The following FAM163A variants were observed in gnomAD, a reference collection of about 807,000 sequenced individuals.
The protein encoded by FAM163A is family with sequence similarity 163 member A, also known as protein FAM163A.
In FAM163A, 7 loss-of-function variants were observed where a neutral mutation model predicts 12.0. That is an observed-to-expected ratio of 0.58 (90% CI 0.33 to 1.10). FAM163A has a LOEUF of 1.10. Among genes scored for constraint, FAM163A ranks in the 50% least tolerant of loss-of-function variants. FAM163A has a pLI of 0.03. For missense variants in FAM163A, 202 were observed against 218.6 expected (o/e 0.92, Z 0.48); for synonymous variants, 101 against 91.0 (o/e 1.11, Z -0.62).
At chr1:179,784,655 G>A (rs561803082) in intron 1 of FAM163A, among the ~76,000 whole-genome samples, 23 of 152,222 alleles carry the variant, frequency 1.5e-4, no homozygotes, top group African/African-American at 4.8e-4. Context: ...CAAAACCTGC[G>A]CACATGAAGC....
chr1:179,758,702 G>C (rs932333631), intron 1 of FAM163A, among the ~76,000 whole-genome samples: 5 of 152,198 alleles, frequency 3.3e-5, no homozygotes, highest in African/African-American at 1.2e-4. Context: ...CACTGGTAGG[G>C]CCATGCAGAT....
intron 1 of FAM163A, among the ~76,000 whole-genome samples, chr1:179,798,315 G>A (rs987486788): frequency 2.0e-5 from 3 of 152,216 alleles, no homozygotes; most frequent in Admixed American, 1.3e-4. Flanking sequence ...GTGGCTGAGG[G>A]CATTGTTTTA....
At chr1:179,796,905 T>C (rs1391978341) in intron 1 of FAM163A, among the ~76,000 whole-genome samples, 2 of 152,254 alleles carry the variant, frequency 1.3e-5, no homozygotes, top group South Asian at 4.1e-4. Context: ...GGATCATCCA[T>C]TCTGGAGTCT....
At chr1:179,805,891 C>G (rs925347481) in intron 1 of FAM163A, among the ~76,000 whole-genome samples, 1 of 152,236 alleles carries the variant, frequency 6.6e-6, no homozygotes, top group Non-Finnish European at 1.5e-5. Context: ...TTCACCCACT[C>G]AAGCACTGCA....
Position 179,797,593 on chromosome 1 carries a change from T to TA in FAM163A, c.-135-10199dup, listed in dbSNP as rs553725082. On this transcript the variant is annotated intron_variant, in intron 1 of 4. Coordinates refer to ENST00000341785, the MANE Select transcript of FAM163A (RefSeq NM_173509.3). ...GAGTACATTTTAAGTGTTCTTACCTTAAAAAACAAAGTATGTGAGGTCATG... is the reference window on the plus strand; with the variant it reads ...GAGTACATTTTAAGTGTTCTTACCTTAAAAAAACAAAGTATGTGAGGTCATG... Among the ~76,000 whole-genome samples the TA allele has an allele frequency of 9.1e-3, 1,383 of 152,212 alleles. 23 individuals carry two copies. The highest frequency in any genetic ancestry group is 0.031 in the African/African-American group (1,306 of 41,502).
the FAM163A span, among the ~76,000 whole-genome samples, chr1:179,730,841 CA>C: frequency 6.6e-6 from 1 of 152,110 alleles, no homozygotes; most frequent in African/African-American, 2.4e-5. Context: ...AGATGGCATA[CA>C]AAGCTCAAAA....
the FAM163A span, among the ~76,000 whole-genome samples, chr1:179,731,704 C>T: frequency 1.3e-5 from 2 of 152,182 alleles, no homozygotes; most frequent in Non-Finnish European, 2.9e-5. Context: ...CTCATAACTC[C>T]CTTGTGTCTT....
At chr1:179,783,470 TTTAAC>T (rs1315591765) in intron 1 of FAM163A, among the ~76,000 whole-genome samples, 1 of 152,102 alleles carries the variant, frequency 6.6e-6, no homozygotes, top group African/African-American at 2.4e-5. Flanking sequence ...TAAAAAGTAT[TTTAAC>T]TTAAAATAGC....
intron 1 of FAM163A, among the ~76,000 whole-genome samples, chr1:179,795,869 A>G (rs1692219545): frequency 6.6e-6 from 1 of 151,894 alleles, no homozygotes; most frequent in Non-Finnish European, 1.5e-5. Flanking sequence ...TTTTATGGAA[A>G]TGAGTTCCTG....
At chr1:179,728,335 T>G in the FAM163A span, among the ~76,000 whole-genome samples, 1 of 152,148 alleles carries the variant, frequency 6.6e-6, no homozygotes, top group African/African-American at 2.4e-5. Context: ...AGTTACTTTT[T>G]CAGGAATTGT....
At chr1:179,765,600 T>G (rs1463296770) in intron 1 of FAM163A, among the ~76,000 whole-genome samples, 1 of 151,322 alleles carries the variant, frequency 6.6e-6, no homozygotes, top group East Asian at 1.9e-4. Flanking sequence ...GAAAGGTCTG[T>G]GGGGCTGATG....
intron 1 of FAM163A, among the ~76,000 whole-genome samples, chr1:179,791,321 C>T (rs1303189044): frequency 1.3e-5 from 2 of 152,168 alleles, no homozygotes; most frequent in African/African-American, 4.8e-5. Flanking sequence ...TGTGCCCTCC[C>T]TTCTAGACCA....
Position 179,794,159 on chromosome 1 carries a change from A to G in FAM163A, c.-135-13639A>G, listed in dbSNP as rs553354175. Among the ~76,000 whole-genome samples, 98 of 152,338 alleles carry G rather than the reference A, an allele frequency of 6.4e-4. 1 individual carries two copies. Among genetic ancestry groups the G allele is most frequent in the African/African-American group, 2.0e-3 (82 of 41,584 alleles). Reference sequence around the variant, plus strand: ...CTCTGCTCAGCCTAATGGCAGCACCATAGCTGCCTCCCTAGCCCATCAATT... The same window carrying G: ...CTCTGCTCAGCCTAATGGCAGCACCGTAGCTGCCTCCCTAGCCCATCAATT... On this transcript the variant is annotated intron_variant, in intron 1 of 4. Transcript: ENST00000341785.
intron 2 of FAM163A, among the ~76,000 whole-genome samples, chr1:179,808,905 A>C (rs1484363427): frequency 6.6e-6 from 1 of 152,212 alleles, no homozygotes; most frequent in Non-Finnish European, 1.5e-5. Context: ...GAAATCATAG[A>C]GAGCCACTGA....
intron 1 of FAM163A, among the ~76,000 whole-genome samples, chr1:179,756,344 T>C (rs3909015): frequency 0.24 from 36,196 of 152,036 alleles, 4,962 homozygotes; most frequent in East Asian, 0.63. Flanking sequence ...AAGAGACAAG[T>C]TCTAGAAACA....
intron 1 of FAM163A, among the ~76,000 whole-genome samples, chr1:179,759,451 G>C (rs1686490641): frequency 6.6e-6 from 1 of 152,152 alleles, no homozygotes; most frequent in Non-Finnish European, 1.5e-5. Flanking sequence ...ATGAAGCAAG[G>C]TCACGTGGAT....
At chr1:179,804,530 A>G (rs895068190) in intron 1 of FAM163A, among the ~76,000 whole-genome samples, 2 of 152,266 alleles carry the variant, frequency 1.3e-5, no homozygotes, top group South Asian at 4.1e-4. Context: ...CACTGTTTAC[A>G]ATAGCAAAGA....
upstream of FAM163A, among the ~76,000 whole-genome samples, chr1:179,740,322 G>T (rs989895744): frequency 2.6e-5 from 4 of 152,056 alleles, no homozygotes; most frequent in African/African-American, 9.7e-5. Flanking sequence ...GGGACTTCAG[G>T]TGTGTGCAGC....
chr1:179,738,385 A>G (rs535293363), upstream of FAM163A, among the ~76,000 whole-genome samples: 2 of 152,350 alleles, frequency 1.3e-5, no homozygotes, highest in South Asian at 4.1e-4. Flanking sequence ...ATTACATGTC[A>G]ATTTAAAATA....
Sources: allele counts gnomAD v4.1 joint callset (sites outside exome capture counted in the v4.1 genomes callset), GRCh38; gene constraint gnomAD v4.1.1; transcripts MANE v1.5; gene names NCBI Gene and HGNC (gene_info 2026-07-23, HGNC 2026-07-21).